Variants in DMD observed in about 807,000 individuals in gnomAD.
The protein encoded by DMD is dystrophin, also known as mutant dystrophin.
In DMD, 63 loss-of-function variants were observed where a neutral mutation model predicts 330.1. That is an observed-to-expected ratio of 0.19 (90% CI 0.16 to 0.24). The LOEUF (loss-of-function observed/expected upper bound fraction) is 0.24. DMD is among the 10% of genes least tolerant of loss of function. The pLI is 1.00. For missense variants in DMD, 3,344 were observed against 2,684.1 expected, an observed-to-expected ratio of 1.25 and a Z score of -5.43; for synonymous variants, 1,223 against 959.8, an observed-to-expected ratio of 1.27 and a Z score of -5.07.
intron 59 of DMD, among the ~76,000 whole-genome samples, chrX:31,459,843 A>G (rs1490481978): frequency 8.9e-6 from 1 of 112,037 alleles, no homozygotes; most frequent in East Asian, 2.8e-4. Context: ...CTGAAAATCA[A>G]TGTGCCCTTA....
intron 44 of DMD, among the ~76,000 whole-genome samples, chrX:32,024,918 T>A (rs1470847737): frequency 4.5e-5 from 5 of 111,812 alleles, no homozygotes; most frequent in Non-Finnish European, 9.4e-5. Flanking sequence ...AGAAGAACAG[T>A]TGCTTTCAAA....
chrX:32,089,071 T>C (rs1254556127), intron 44 of DMD, among the ~76,000 whole-genome samples: 1 of 111,646 alleles, frequency 9.0e-6, no homozygotes, highest in African/African-American at 3.3e-5. Context: ...TTGGAATTGA[T>C]GTGTAGTAAA....
intron 26 of DMD, 119 bp from the exon 27 acceptor site, chrX:32,448,757 A>G (rs1032385483): frequency 1.9e-5 from 12 of 633,267 alleles, no homozygotes; most frequent in Non-Finnish European, 2.5e-5. Context: ...AATTACAAAA[A>G]TAAATCTAAT....
intron 29 of DMD, among the ~76,000 whole-genome samples, chrX:32,429,109 G>T (rs1418985863): frequency 1.8e-5 from 2 of 108,365 alleles, no homozygotes; most frequent in Non-Finnish European, 3.8e-5. Flanking sequence ...TTTGAATTTT[G>T]ATGCTTTATT....
At chrX:33,258,588 A>T (rs1360556542) in intron 1 of DMD, among the ~76,000 whole-genome samples, 1 of 111,435 alleles carries the variant, frequency 9.0e-6, no homozygotes, top group African/African-American at 3.2e-5. Flanking sequence ...TTTTCTAAAA[A>T]TATTGCTTTG....
At chrX:31,215,004 C>T (rs1327853731) in intron 64 of DMD, among the ~76,000 whole-genome samples, 8 of 83,433 alleles carry the variant, frequency 9.6e-5, no homozygotes, top group Middle Eastern at 8.7e-3. Context: ...GACAGTGGCG[C>T]GATCTCGGCT....
At chrX:32,539,816 G>C in intron 17 of DMD, among the ~76,000 whole-genome samples, 1 of 111,447 alleles carries the variant, frequency 9.0e-6, no homozygotes, top group East Asian at 2.8e-4. Flanking sequence ...TAATAATTCA[G>C]GTATGTAGAT....
At chrX:32,861,162 T>C (rs1436906409) in intron 2 of DMD, among the ~76,000 whole-genome samples, 1 of 112,019 alleles carries the variant, frequency 8.9e-6, no homozygotes, top group East Asian at 2.8e-4. Context: ...ATTGCAAAGA[T>C]TTAAGTGAAC....
chrX:33,258,073 A>C (rs1375898462), intron 1 of DMD, among the ~76,000 whole-genome samples: 1 of 111,689 alleles, frequency 9.0e-6, no homozygotes, highest in Non-Finnish European at 1.9e-5. Flanking sequence ...GTTGGGTCCT[A>C]CTGACGTAAT....
chrX:32,526,284 A>C (rs1025892293), intron 17 of DMD, among the ~76,000 whole-genome samples: 3 of 112,000 alleles, frequency 2.7e-5, no homozygotes, highest in Non-Finnish European at 5.6e-5. Flanking sequence ...TTCTTCAAGT[A>C]TATCTTAAAA....
intron 44 of DMD, among the ~76,000 whole-genome samples, chrX:32,205,005 T>TCTCTCTCTCTCTCTCA (rs60181300): frequency 1.4e-4 from 4 of 29,226 alleles, no homozygotes; most frequent in African/African-American, 3.4e-4. Flanking sequence ...TCTCTCTCTC[T>TCTCTCTCTCTCTCTCA]CACATACACA....
Position 32,795,975 on chromosome X carries a change from GA to G in DMD, c.649+13517del, listed in dbSNP as rs2076152863. Among the ~76,000 whole-genome samples, 4 of 111,303 alleles carry G rather than the reference GA, an allele frequency of 3.6e-5. No homozygotes were observed. The Admixed American group carries it at 3.8e-4, about 11-fold the overall frequency. On this transcript the variant is annotated intron_variant, in intron 7 of 78. Transcript: ENST00000357033. ...ACAACAGATGTTGACGAGGTGCAAC[GA>G]AAAGGGAACTCTTAATACATTGTTG...
intron 50 of DMD, among the ~76,000 whole-genome samples, chrX:31,792,668 C>T (rs2091629855): frequency 8.9e-6 from 1 of 112,018 alleles, no homozygotes; most frequent in Admixed American, 9.5e-5. Flanking sequence ...TAGCCCACTG[C>T]TCTCAACTCC....
chrX:32,929,854 T>C (rs187395219), intron 2 of DMD, among the ~76,000 whole-genome samples: 1 of 111,593 alleles, frequency 9.0e-6, no homozygotes, highest in East Asian at 2.8e-4. Context: ...AGAATGATGG[T>C]TTCCAGCTTC....
chrX:32,925,840 G>T, intron 2 of DMD, among the ~76,000 whole-genome samples: 1 of 111,812 alleles, frequency 8.9e-6, no homozygotes, highest in South Asian at 3.7e-4. Flanking sequence ...GACAAATTAA[G>T]CTGATTTGGC....
intron 37 of DMD, among the ~76,000 whole-genome samples, chrX:32,352,133 T>G (rs1251010228): frequency 9.0e-6 from 1 of 110,879 alleles, no homozygotes; most frequent in Non-Finnish European, 1.9e-5. Context: ...AGGACTGCAA[T>G]TTTTTTAAAA....
At chrX:32,778,593 T>A (rs1470711929) in intron 7 of DMD, among the ~76,000 whole-genome samples, 1 of 112,324 alleles carries the variant, frequency 8.9e-6, no homozygotes, top group Non-Finnish European at 1.9e-5. Context: ...ACAGCAGGGC[T>A]TTGTTCCTTT....
At chrX:32,173,118 T>C (rs2096894137) in intron 44 of DMD, among the ~76,000 whole-genome samples, 2 of 106,455 alleles carry the variant, frequency 1.9e-5, no homozygotes, top group South Asian at 4.4e-4. Context: ...TGTGTGTACT[T>C]TTACATTTTC....
intron 60 of DMD, among the ~76,000 whole-genome samples, chrX:31,356,787 A>G (rs2058696201): frequency 8.9e-6 from 1 of 111,976 alleles, no homozygotes; most frequent in South Asian, 3.7e-4. Context: ...TAAGGGTATC[A>G]TTCATTTTAA....
Sources: gnomAD v4.1 joint callset for allele counts (sites outside exome capture counted in the v4.1 genomes callset) on GRCh38, gnomAD v4.1.1 for gene constraint, MANE v1.5 for transcripts, NCBI Gene and HGNC (gene_info 2026-07-23, HGNC 2026-07-21) for gene names.